The following SORBS2 variants were observed in gnomAD, a reference collection of about 807,000 sequenced individuals.
The protein encoded by SORBS2 is sorbin and SH3 domain containing 2.
Under a neutral mutation model 97.7 loss-of-function variants are expected in SORBS2, and 46 were observed. The observed-to-expected ratio is 0.47, with a 90% CI of 0.37 to 0.60. The LOEUF (loss-of-function observed/expected upper bound fraction) is 0.60. Ranked by LOEUF, SORBS2 falls within the 20% of genes least tolerant of loss-of-function variation. The pLI, the probability that SORBS2 is intolerant of heterozygous loss-of-function variation, is 0.00. For missense variants in SORBS2, 1,316 were observed against 1,282.3 expected (o/e 1.03, Z -0.40); for synonymous variants, 476 against 473.4 (o/e 1.01, Z -0.07).
chr4:185,607,341 G>T lies in SORBS2; in HGVS notation c.2796+4439C>A, dbSNP rs1487615747. The T allele has an allele frequency of 7.0e-6, 9 of 1,286,918 alleles. No individual in the cohort carries two copies. In the South Asian group the frequency reaches 1.1e-4, roughly 16 times the overall value. 79.7% of individuals were successfully genotyped at this position (1,286,918 alleles called of 1,614,324 possible). On this transcript the variant is annotated intron_variant, in intron 12 of 14. Coordinates refer to ENST00000418609, the Ensembl canonical transcript of SORBS2. The surrounding 1 kb of genome is among the most constrained non-coding windows in gnomAD (Gnocchi z 5.2). ...GGGTGGGAGGAGGGGCTGGTTCACT[G>T]GAAGCCAACTTGGAAATGAGCACGG...
chr4:185,678,821 C>T, exon 3 of SORBS2: 2 of 1,450,954 alleles, frequency 1.4e-6, no homozygotes, highest in Non-Finnish European at 1.8e-6. Context: ...GAGAATCACG[C>T]CCTGAAAGAA....
chr4:185,598,300 CCTGA>C (rs147941734), intron 12 of SORBS2, among the ~76,000 whole-genome samples: 10,769 of 152,114 alleles, frequency 0.071, 437 homozygotes, highest in African/African-American at 0.096. Flanking sequence ...TTTCTGTAGC[CCTGA>C]CTATGTAAGT....
chr4:185,739,912 C>T (rs2098711701), intron 2 of SORBS2: 1 of 152,644 alleles, frequency 6.6e-6, no homozygotes, highest in Non-Finnish European at 1.5e-5. Flanking sequence ...TTCCATCCCT[C>T]TCCCATCTTA....
At chr4:185,794,631 A>G (rs1035646431) in intron 1 of SORBS2, among the ~76,000 whole-genome samples, 10 of 151,974 alleles carry the variant, frequency 6.6e-5, no homozygotes, top group African/African-American at 2.4e-4. Flanking sequence ...TAAAGCATCC[A>G]TGTTGGATGC....
intron 1 of SORBS2, among the ~76,000 whole-genome samples, chr4:185,865,522 C>T (rs2099226386): frequency 6.6e-6 from 1 of 152,156 alleles, no homozygotes; most frequent in Admixed American, 6.5e-5. Context: ...AAGAACAAAA[C>T]CTGAAAGACT....
intron 1 of SORBS2, among the ~76,000 whole-genome samples, chr4:185,802,517 C>A (rs1295638112): frequency 6.6e-6 from 1 of 152,184 alleles, no homozygotes; most frequent in African/African-American, 2.4e-5. Flanking sequence ...TCAAGGCCAT[C>A]TTTTCAATAC....
intron 1 of SORBS2, among the ~76,000 whole-genome samples, chr4:185,848,407 G>A (rs1579176112): frequency 6.6e-6 from 1 of 152,014 alleles, no homozygotes; most frequent in East Asian, 1.9e-4. Context: ...CTTTTGCTTT[G>A]GCAAATTTTT....
In SORBS2 at chr4:185,623,589, A is replaced by C; in HGVS notation, c.1540T>G (p.Tyr514Asp). 6.2e-7 allele frequency: 1 copy of C among 1,614,126 alleles called. No homozygotes were observed. Among genetic ancestry groups the C allele is most frequent in the South Asian group, 1.1e-5 (1 of 91,080 alleles). Reference sequence around the variant, plus strand: ...AAGGATGACCCCTCTAGGTGAATGTAGTCACTGTGGTCGGACACAACCCCG... The same window carrying C: ...AAGGATGACCCCTCTAGGTGAATGTCGTCACTGTGGTCGGACACAACCCCG... The change falls in exon 7 of 15, where the codon TAC (tyrosine) becomes GAC (aspartate). Residue 514 changes from tyrosine (Y) to aspartate (D), a missense_variant. Transcript: ENST00000418609. The surrounding 1 kb of genome is among the most constrained non-coding windows in gnomAD (Gnocchi z 6.4).
chr4:185,707,742 C>T (rs1280076935), intron 2 of SORBS2, among the ~76,000 whole-genome samples: 3 of 152,136 alleles, frequency 2.0e-5, no homozygotes, highest in Non-Finnish European at 4.4e-5. Flanking sequence ...AGGCAAAGGG[C>T]ATCTTACATG....
At chr4:185,640,367 G>C (rs1371821372) in intron 4 of SORBS2, among the ~76,000 whole-genome samples, 1 of 152,096 alleles carries the variant, frequency 6.6e-6, no homozygotes, top group Non-Finnish European at 1.5e-5. Flanking sequence ...ATGGTGTTCT[G>C]GTATTGCGAC....
At chr4:185,685,501 G>A (rs35443939) in intron 2 of SORBS2, among the ~76,000 whole-genome samples, 2,344 of 152,236 alleles carry the variant, frequency 0.015, 29 homozygotes, top group Middle Eastern at 0.024. Flanking sequence ...AAATGACCAT[G>A]TTTAAAGAAA....
chr4:185,804,924 T>C (rs893845138), intron 1 of SORBS2, among the ~76,000 whole-genome samples: 3 of 152,094 alleles, frequency 2.0e-5, no homozygotes, highest in Non-Finnish European at 2.9e-5. Context: ...TGTCTTGAAC[T>C]CTCTGTTCAA....
At chr4:185,599,723 C>T (rs2096209992) in intron 12 of SORBS2, among the ~76,000 whole-genome samples, 1 of 152,224 alleles carries the variant, frequency 6.6e-6, no homozygotes, top group African/African-American at 2.4e-5. Context: ...ACACACGACA[C>T]TCTTATTTGT....
intron 4 of SORBS2, among the ~76,000 whole-genome samples, chr4:185,671,359 G>A (rs778982402): frequency 6.6e-6 from 1 of 152,174 alleles, no homozygotes; most frequent in Non-Finnish European, 1.5e-5. Flanking sequence ...CAAAATATGG[G>A]ATTTAAAAAT....
intron 1 of SORBS2, among the ~76,000 whole-genome samples, chr4:185,654,527 G>T (rs1233462056): frequency 6.6e-6 from 1 of 152,126 alleles, no homozygotes; most frequent in Non-Finnish European, 1.5e-5. Flanking sequence ...GGATCTCACA[G>T]TGATGCCATC....
At chr4:185,954,712 C>A (rs1462248411) in intron 1 of SORBS2, among the ~76,000 whole-genome samples, 1 of 152,192 alleles carries the variant, frequency 6.6e-6, no homozygotes, top group Non-Finnish European at 1.5e-5. Flanking sequence ...GTAATCCCAG[C>A]ACTTTGGGAG....
chr4:185,657,455 T>A, upstream of SORBS2: 1 of 1,562,498 alleles, frequency 6.4e-7, no homozygotes. Flanking sequence ...TCCGGATTCA[T>A]CCACGGGCCC....
chr4:185,598,072 T>C (rs991875983), intron 12 of SORBS2, among the ~76,000 whole-genome samples: 2 of 152,240 alleles, frequency 1.3e-5, no homozygotes, highest in African/African-American at 4.8e-5. Flanking sequence ...AGTTTTAAGA[T>C]AAATATAGAA....
intron 1 of SORBS2, among the ~76,000 whole-genome samples, chr4:185,864,730 G>A (rs1180558848): frequency 1.3e-5 from 2 of 152,054 alleles, no homozygotes; most frequent in Non-Finnish European, 2.9e-5. Context: ...GGCCAACATG[G>A]TGAAACCCTG....
Sources: allele counts gnomAD v4.1 joint callset (sites outside exome capture counted in the v4.1 genomes callset), GRCh38; gene constraint gnomAD v4.1.1; non-coding constraint Gnocchi (gnomAD v3.1); transcripts MANE v1.5; gene names NCBI Gene and HGNC (gene_info 2026-07-23, HGNC 2026-07-21).